The following PARD3 variants were observed in gnomAD, a reference collection of about 807,000 sequenced individuals.
The protein encoded by PARD3 is partitioning defective 3 homolog.
A neutral mutation model predicts 155.4 loss-of-function variants in PARD3; 75 were observed. The ratio of observed to expected loss-of-function variants is 0.48; its 90% CI spans 0.40 to 0.58. The LOEUF is 0.58. Ranked by LOEUF, PARD3 falls within the 20% of genes least tolerant of loss-of-function variation. The pLI is 0.00. For synonymous variants in PARD3, 576 were observed against 610.5 expected (o/e 0.94, Z 0.83); for missense variants, 1,642 against 1,721.7 (o/e 0.95, Z 0.82).
intron 1 of PARD3, among the ~76,000 whole-genome samples, chr10:34,760,743 AG>A (rs1385363308): frequency 6.6e-6 from 1 of 152,138 alleles, no homozygotes; most frequent in Non-Finnish European, 1.5e-5. Context: ...TCAGATTAGG[AG>A]CTGCATGTGG....
At chr10:34,550,539 C>A (rs534432902) in intron 2 of PARD3, among the ~76,000 whole-genome samples, 1 of 152,168 alleles carries the variant, frequency 6.6e-6, no homozygotes, top group South Asian at 2.1e-4. Context: ...TGTATTGGAA[C>A]CTTTACCACC....
At chr10:34,520,474 C>T (rs1296587959) in intron 2 of PARD3, among the ~76,000 whole-genome samples, 3 of 152,174 alleles carry the variant, frequency 2.0e-5, no homozygotes, top group African/African-American at 7.2e-5. Context: ...TACACCAAAA[C>T]ATCCATATAT....
intron 5 of PARD3, among the ~76,000 whole-genome samples, chr10:34,410,318 T>C (rs1473607666): frequency 6.6e-6 from 1 of 151,908 alleles, no homozygotes; most frequent in Admixed American, 6.5e-5. Flanking sequence ...TTAGATCATA[T>C]AGGTTTTTCT....
At chr10:34,445,639 C>G (rs968231365) in intron 5 of PARD3, among the ~76,000 whole-genome samples, 3 of 152,106 alleles carry the variant, frequency 2.0e-5, no homozygotes, top group Non-Finnish European at 4.4e-5. Flanking sequence ...TATTTTATAA[C>G]AAAATTACAA....
intron 1 of PARD3, among the ~76,000 whole-genome samples, chr10:34,781,333 T>C (rs1007724291): frequency 2.6e-5 from 4 of 152,244 alleles, no homozygotes; most frequent in African/African-American, 9.6e-5. Context: ...GGGTGCTCCC[T>C]AGGGCAACTG....
intron 9 of PARD3, among the ~76,000 whole-genome samples, chr10:34,378,848 T>G (rs946618689): frequency 6.6e-6 from 1 of 152,180 alleles, no homozygotes; most frequent in Admixed American, 6.5e-5. Flanking sequence ...ACTCTGATGA[T>G]TCACAGAATT....
At chr10:34,492,741 C>T (rs891114309) in intron 3 of PARD3, among the ~76,000 whole-genome samples, 1 of 152,220 alleles carries the variant, frequency 6.6e-6, no homozygotes, top group Non-Finnish European at 1.5e-5. Flanking sequence ...TTAATCTACA[C>T]TTTCACACGA....
intron 2 of PARD3, among the ~76,000 whole-genome samples, chr10:34,582,696 G>A (rs150535805): frequency 6.6e-6 from 1 of 152,330 alleles, no homozygotes; most frequent in African/African-American, 2.4e-5. Flanking sequence ...AGACTAAGCA[G>A]TGCCTACACC....
chr10:34,139,735 T>C (rs12252788), intron 22 of PARD3, among the ~76,000 whole-genome samples: 1,769 of 152,264 alleles, frequency 0.012, 35 homozygotes, highest in African/African-American at 0.04. Flanking sequence ...TCCATGGATG[T>C]ACAGAGTTGT....
intron 20 of PARD3, among the ~76,000 whole-genome samples, chr10:34,311,733 C>T (rs1027611832): frequency 1.3e-5 from 2 of 149,958 alleles, no homozygotes; most frequent in African/African-American, 5.1e-5. Flanking sequence ...ATTTATTTTC[C>T]TACACCACCA....
intron 1 of PARD3, among the ~76,000 whole-genome samples, chr10:34,768,067 T>C (rs139695217): frequency 2.0e-4 from 31 of 152,322 alleles, no homozygotes; most frequent in African/African-American, 5.8e-4. Flanking sequence ...TCTCCTTACG[T>C]TGTCAGTCCT....
chr10:34,804,300 G>A (rs892773462), intron 1 of PARD3, among the ~76,000 whole-genome samples: 14 of 152,286 alleles, frequency 9.2e-5, no homozygotes, highest in African/African-American at 3.4e-4. Context: ...GCCTCCCAAA[G>A]TGCTGGGATT....
At chr10:34,416,146 C>T (rs1486796040) in intron 5 of PARD3, among the ~76,000 whole-genome samples, 1 of 152,160 alleles carries the variant, frequency 6.6e-6, no homozygotes, top group African/African-American at 2.4e-5. Flanking sequence ...TAATAGGACA[C>T]ACCGCTTGTA....
chr10:34,349,441 TG>T (rs959667403), intron 14 of PARD3, among the ~76,000 whole-genome samples: 2 of 152,004 alleles, frequency 1.3e-5, no homozygotes, highest in African/African-American at 4.8e-5. Flanking sequence ...TTGTTTCATT[TG>T]TTTTTTTTAA....
chr10:34,377,409 G>A (rs538742452), intron 10 of PARD3, among the ~76,000 whole-genome samples: 17 of 152,154 alleles, frequency 1.1e-4, no homozygotes, highest in Admixed American at 9.2e-4. Flanking sequence ...GGCCAATGTG[G>A]TGAAACCCTG....
intron 16 of PARD3, among the ~76,000 whole-genome samples, chr10:34,338,240 G>T (rs1282436680): frequency 1.3e-5 from 2 of 152,214 alleles, no homozygotes; most frequent in Non-Finnish European, 2.9e-5. Context: ...GGAAGCATAT[G>T]GCAAATCCCT....
chr10:34,382,815 T>C lies in PARD3; in HGVS notation c.1124A>G (p.Asn375Ser), dbSNP rs201484534. 3.5e-4 allele frequency: 558 copies of C among 1,614,050 alleles called. No homozygotes were observed. Among genetic ancestry groups the C allele is most frequent in the Non-Finnish European group, 4.5e-4 (532 of 1,180,012 alleles). ...GCTAAAACGGCTTGAATAGTAATTG[T>C]TCTTCTCACTTTGGGATAGTTGTTC... ...QYEQLSQSEK[N>S]NYYSSRFSPD... The change falls in exon 9 of 25, where the codon AAC (asparagine) becomes AGC (serine). Residue 375 changes from asparagine to serine, a missense_variant. By Grantham distance (46) the Asn-to-Ser change is conservative. Coordinates refer to ENST00000374788, the MANE Select transcript of PARD3 (RefSeq NM_001184785.2).
At position 34,268,650 on chromosome 10, in the gene PARD3, C is replaced by T. The variant is rs1955458400; in HGVS notation, c.3419+1007G>A. On this transcript the variant is annotated intron_variant, in intron 22 of 24. Coordinates refer to ENST00000374788, the MANE Select transcript of PARD3 (RefSeq NM_001184785.2). ...GTAGGGACATGGATGAAGCTGGAAA[C>T]CATCATTCTCAGCAAACTATTGCAA... 2.0e-5 allele frequency among the ~76,000 whole-genome samples: 3 copies of T among 151,910 alleles called. No homozygotes were observed. The South Asian group carries it at 6.2e-4, about 32-fold the overall frequency.
chr10:34,550,564 C>T (rs1452780439), intron 2 of PARD3, among the ~76,000 whole-genome samples: 1 of 152,024 alleles, frequency 6.6e-6, no homozygotes, highest in African/African-American at 2.4e-5. Flanking sequence ...AAAAAAACAC[C>T]TTCCTTTTGA....
Sources: allele counts gnomAD v4.1 joint callset (sites outside exome capture counted in the v4.1 genomes callset), GRCh38; gene constraint gnomAD v4.1.1; transcripts MANE v1.5; gene names NCBI Gene and HGNC (gene_info 2026-07-23, HGNC 2026-07-21).